The following ASAP2 variants were observed in gnomAD, a reference collection of about 807,000 sequenced individuals.
ASAP2 encodes arf-GAP with SH3 domain, ANK repeat and PH domain-containing protein 2.
Under a neutral mutation model 131.4 loss-of-function variants are expected in ASAP2, and 45 were observed. The observed-to-expected ratio is 0.34, with a 90% confidence interval of 0.27 to 0.44. The LOEUF (loss-of-function observed/expected upper bound fraction) is 0.44, where lower values mean the gene tolerates loss of function less well. Among genes scored for constraint, ASAP2 ranks in the 20% least tolerant of loss-of-function variants. ASAP2 has a pLI of 1.00. For synonymous variants in ASAP2, 510 were observed against 503.0 expected (o/e 1.01, Z -0.19); for missense variants, 1,011 against 1,297.0 (o/e 0.78, Z 3.39).
rs184843891 is a variant in ASAP2, at chr2:9,377,984, C to T, written c.1833-960C>T. 7.2e-5 allele frequency among the ~76,000 whole-genome samples: 11 copies of T among 152,256 alleles called. No individual in the cohort carries two copies. In the East Asian group the frequency reaches 1.9e-3, roughly 27 times the overall value. On this transcript the variant is annotated intron_variant, in intron 18 of 27. Transcript: ENST00000281419. ...TGATAGCTGCGTGATGCCTCTCCCT[C>T]CATGCACATTTTCAGGGGGCAGGAG...
At chr2:9,359,904 C>G (rs1166751621) in intron 15 of ASAP2, among the ~76,000 whole-genome samples, 1 of 152,202 alleles carries the variant, frequency 6.6e-6, no homozygotes, top group Non-Finnish European at 1.5e-5. Context: ...TAGTTACTTA[C>G]AGTTTAAAAC....
At chr2:9,334,382 G>A (rs537122771) in intron 7 of ASAP2, among the ~76,000 whole-genome samples, 7 of 151,850 alleles carry the variant, frequency 4.6e-5, no homozygotes, top group African/African-American at 1.4e-4. Context: ...TTTCCATGTC[G>A]CGGTCGCCTG....
chr2:9,380,919 G>GT, intron 20 of ASAP2, 111 bp downstream of exon 20: 1 of 1,186,744 alleles, frequency 8.4e-7, no homozygotes, highest in South Asian at 1.4e-5. Flanking sequence ...GCAGAGCTCA[G>GT]TGTTTCTGAT....
rs1004686084 is a variant in ASAP2 at position 9,362,662 on chromosome 2, G to C, written c.1461+3773G>C. ...AAGACCAGCCTGACCAACATAGGGA[G>C]ACCTCCATCTCTACAAATAATTTTT... On this transcript the variant is annotated intron_variant, in intron 15 of 27. Transcript: ENST00000281419. 3.9e-5 allele frequency among the ~76,000 whole-genome samples: 6 copies of C among 151,982 alleles called. No individual in the cohort carries two copies. In the South Asian group the frequency reaches 6.2e-4, roughly 16 times the overall value.
intron 16 of ASAP2, among the ~76,000 whole-genome samples, chr2:9,372,302 G>A (rs998477840): frequency 6.6e-6 from 1 of 152,056 alleles, no homozygotes; most frequent in African/African-American, 2.4e-5. Flanking sequence ...CTGTGCTGGA[G>A]GCCCTAAGAG....
rs1666364553 is a variant in ASAP2, at chr2:9,271,149, A to G, written c.127-8168A>G. On this transcript the variant is annotated intron_variant, in intron 1 of 27. Coordinates refer to ENST00000281419, the MANE Select transcript of ASAP2 (RefSeq NM_003887.3). ...GTTTATTTCATGAAGGAGTTACACT[A>G]GTCCAAGTTAAAAGCGGACCCCAAA... 8.1e-6 allele frequency: 4 copies of G among 496,864 alleles called. No homozygotes were observed. In the East Asian group the frequency reaches 1.2e-4, roughly 15 times the overall value. 30.8% of individuals were successfully genotyped at this position (496,864 alleles called of 1,614,324 possible). A position where few individuals can be genotyped will look rare whatever the true frequency, so the allele number is the denominator to read the frequency against.
intron 1 of ASAP2, among the ~76,000 whole-genome samples, chr2:9,233,993 C>T (rs1479430194): frequency 6.6e-6 from 1 of 151,878 alleles, no homozygotes; most frequent in Non-Finnish European, 1.5e-5. Flanking sequence ...CACCTGTAAT[C>T]CCAGCTACTC....
intron 1 of ASAP2, among the ~76,000 whole-genome samples, chr2:9,237,981 T>C (rs767502648): frequency 1.3e-5 from 2 of 152,196 alleles, no homozygotes; most frequent in Non-Finnish European, 2.9e-5. Flanking sequence ...GTGGCTCCAG[T>C]GTGTGGATCC....
In ASAP2 at chr2:9,211,438, C is replaced by A. The variant is rs1177887547; in HGVS notation, c.126+4208C>A. 1.2e-4 allele frequency among the ~76,000 whole-genome samples: 18 copies of A among 151,510 alleles called. No homozygotes were observed. The South Asian group carries it at 3.8e-3, about 32-fold the overall frequency. On this transcript the variant is annotated intron_variant, in intron 1 of 27. Transcript: ENST00000281419. ...GCCTCTGGGCACTTTGAAATATTCT[C>A]AAAATAGGGAAAAATTGTATACATA...
intron 9 of ASAP2, among the ~76,000 whole-genome samples, chr2:9,340,510 A>G (rs1671509588): frequency 6.6e-6 from 1 of 152,206 alleles, no homozygotes; most frequent in South Asian, 2.1e-4. Context: ...TTGTTCTTAG[A>G]CCATGGCTCA....
At chr2:9,383,253 C>T (rs1376366134) in intron 20 of ASAP2, among the ~76,000 whole-genome samples, 2 of 151,642 alleles carry the variant, frequency 1.3e-5, no homozygotes, top group African/African-American at 4.8e-5. Flanking sequence ...ATCGTGGCCT[C>T]TGGTGCAGTA....
At chr2:9,253,870 C>T (rs890146872) in intron 1 of ASAP2, among the ~76,000 whole-genome samples, 1 of 151,858 alleles carries the variant, frequency 6.6e-6, no homozygotes, top group African/African-American at 2.4e-5. Context: ...GTACATACAA[C>T]GAGATATTTT....
intron 24 of ASAP2, 112 bp downstream of exon 24, chr2:9,393,759 G>T: frequency 1.7e-6 from 2 of 1,159,050 alleles, no homozygotes. Context: ...CAGCGTGGGC[G>T]CCACATAACT....
intron 1 of ASAP2, among the ~76,000 whole-genome samples, chr2:9,269,969 G>T (rs1010560818): frequency 6.6e-6 from 1 of 152,122 alleles, no homozygotes; most frequent in Non-Finnish European, 1.5e-5. Flanking sequence ...GAGGCCCCTC[G>T]GTAACTTGAG....
At chr2:9,382,184 A>G (rs1206529891) in intron 20 of ASAP2, among the ~76,000 whole-genome samples, 5 of 152,132 alleles carry the variant, frequency 3.3e-5, no homozygotes, top group Non-Finnish European at 7.3e-5. Flanking sequence ...GGGTTTCACC[A>G]TATTGGTCAG....
At position 9,285,441 on chromosome 2, in the gene ASAP2, G is replaced by A. The variant is rs1005701439; in HGVS notation, c.199+6052G>A. 9.9e-5 allele frequency among the ~76,000 whole-genome samples: 15 copies of A among 152,276 alleles called. No homozygotes were observed. The East Asian group carries it at 2.7e-3, about 27-fold the overall frequency. ...CAGTAGTCTTCTTCCACAATAGTCA[G>A]TGCATTATGTTTGCTCCCAGTCTTC... On this transcript the variant is annotated intron_variant, in intron 2 of 27. Coordinates refer to ENST00000281419, the MANE Select transcript of ASAP2 (RefSeq NM_003887.3).
chr2:9,221,248 T>A (rs915115391), intron 1 of ASAP2, among the ~76,000 whole-genome samples: 2 of 152,158 alleles, frequency 1.3e-5, no homozygotes, highest in African/African-American at 4.8e-5. Context: ...ATTTGGGGAG[T>A]ATAGACATCT....
chr2:9,294,604 C>T (rs1668040373), intron 2 of ASAP2, among the ~76,000 whole-genome samples: 1 of 152,224 alleles, frequency 6.6e-6, no homozygotes, highest in East Asian at 1.9e-4. Flanking sequence ...ACTCTTAGTG[C>T]TCAGGTTAAA....
intron 1 of ASAP2, among the ~76,000 whole-genome samples, chr2:9,243,088 G>A (rs1360277905): frequency 6.6e-6 from 1 of 152,164 alleles, no homozygotes; most frequent in African/African-American, 2.4e-5. Context: ...GCCCTAGTGA[G>A]CCTTGAAGAT....
Sources: allele counts gnomAD v4.1 joint callset (sites outside exome capture counted in the v4.1 genomes callset), GRCh38; gene constraint gnomAD v4.1.1; transcripts MANE v1.5; gene names NCBI Gene and HGNC (gene_info 2026-07-23, HGNC 2026-07-21).